The following MGAT4C variants were observed in gnomAD, a reference collection of about 807,000 sequenced individuals.
MGAT4C encodes MGAT4 family member C, also known as alpha-1,3-mannosyl-glycoprotein 4-beta-N-acetylglucosaminyltransferase C.
A neutral mutation model predicts 40.1 loss-of-function variants in MGAT4C; 19 were observed. The ratio of observed to expected loss-of-function variants is 0.47; its 90% CI spans 0.33 to 0.70. The LOEUF is 0.70. Among genes scored for constraint, MGAT4C ranks in the 30% least tolerant of loss-of-function variants. MGAT4C has a pLI of 0.02. For missense variants in MGAT4C, 491 were observed against 563.2 expected (o/e 0.87, Z 1.30); for synonymous variants, 181 against 187.1 (o/e 0.97, Z 0.27).
intron 1 of MGAT4C, among the ~76,000 whole-genome samples, chr12:86,730,487 T>A (rs1290404360): frequency 6.6e-6 from 1 of 152,094 alleles, no homozygotes; most frequent in Non-Finnish European, 1.5e-5. Context: ...GCTGTTGTTT[T>A]GTCAGCGTAC....
At chr12:86,495,879 A>G (rs1044023482) in intron 2 of MGAT4C, among the ~76,000 whole-genome samples, 1 of 151,990 alleles carries the variant, frequency 6.6e-6, no homozygotes, top group Admixed American at 6.6e-5. Flanking sequence ...CTCACCCATC[A>G]TGATTTTCTA....
Position 85,964,208 on chromosome 12 carries a change from T to A in MGAT4C, c.*15081A>T, listed in dbSNP as rs1436445761. The A allele has an allele frequency of 1.3e-5, 2 of 152,128 alleles. No individual in the cohort carries two copies. Among genetic ancestry groups the A allele is most frequent in the Non-Finnish European group, 2.9e-5 (2 of 67,952 alleles). The allele number at this position is 152,128 out of a possible 1,614,324, so 9.4% of individuals were successfully genotyped here. A position where few individuals can be genotyped will look rare whatever the true frequency, so the allele number is the denominator to read the frequency against. Reference sequence around the variant, plus strand: ...AAAGACACTATGAAGAGATACTAAATGATATTCTTTTCATCTGTGGTTACT... The same window carrying A: ...AAAGACACTATGAAGAGATACTAAAAGATATTCTTTTCATCTGTGGTTACT... On this transcript the variant is annotated 3_prime_UTR_variant, in exon 5 of 5. Transcript: ENST00000611864.
chr12:86,428,710 T>C (rs1186543863), intron 3 of MGAT4C, among the ~76,000 whole-genome samples: 3 of 152,204 alleles, frequency 2.0e-5, no homozygotes, highest in East Asian at 1.9e-4. Context: ...GTTGTATGTG[T>C]TTAGGAATTT....
intron 1 of MGAT4C, among the ~76,000 whole-genome samples, chr12:86,214,618 A>C (rs1478472344): frequency 6.6e-6 from 1 of 152,160 alleles, no homozygotes; most frequent in Non-Finnish European, 1.5e-5. Flanking sequence ...GTGTCCTCAC[A>C]TGGTAGAAAG....
intron 2 of MGAT4C, among the ~76,000 whole-genome samples, chr12:86,702,693 A>C (rs1423254616): frequency 3.3e-5 from 5 of 152,154 alleles, no homozygotes; most frequent in South Asian, 2.1e-4. Flanking sequence ...TTCCTTTCAA[A>C]ATATTACTGC....
intron 3 of MGAT4C, among the ~76,000 whole-genome samples, chr12:86,397,204 C>T (rs1956278085): frequency 6.6e-6 from 1 of 152,020 alleles, no homozygotes; most frequent in Non-Finnish European, 1.5e-5. Context: ...AGTTTTTTTC[C>T]TTATATTCCA....
intron 2 of MGAT4C, among the ~76,000 whole-genome samples, chr12:86,520,024 A>AT (rs1958765305): frequency 6.6e-6 from 1 of 151,940 alleles, no homozygotes; most frequent in Non-Finnish European, 1.5e-5. Flanking sequence ...TAGTTTTATC[A>AT]TTTTTGATCT....
intron 2 of MGAT4C, among the ~76,000 whole-genome samples, chr12:86,468,411 C>G (rs902914682): frequency 1.3e-5 from 2 of 152,066 alleles, no homozygotes; most frequent in African/African-American, 2.4e-5. Flanking sequence ...CACAGTGCCC[C>G]CTATGTCATT....
intron 1 of MGAT4C, among the ~76,000 whole-genome samples, chr12:86,215,868 C>G (rs1437217537): frequency 6.6e-6 from 1 of 151,994 alleles, no homozygotes; most frequent in Middle Eastern, 3.4e-3. Context: ...TGTTATCTTG[C>G]AGTAACTGGG....
intron 1 of MGAT4C, among the ~76,000 whole-genome samples, chr12:86,779,921 AAAT>A (rs1409854165): frequency 2.0e-5 from 3 of 151,548 alleles, no homozygotes; most frequent in African/African-American, 7.3e-5. Flanking sequence ...TCAAAAATAA[AAAT>A]AAAAAATAAT....
intron 3 of MGAT4C, among the ~76,000 whole-genome samples, chr12:86,389,233 T>C (rs187958174): frequency 6.6e-6 from 1 of 152,198 alleles, no homozygotes; most frequent in Admixed American, 6.5e-5. Context: ...GTGTGTTGTT[T>C]TCCTCTACGT....
chr12:86,662,301 T>A (rs1375564883), intron 2 of MGAT4C, among the ~76,000 whole-genome samples: 1 of 152,222 alleles, frequency 6.6e-6, no homozygotes, highest in Non-Finnish European at 1.5e-5. Flanking sequence ...AACTTGAATT[T>A]AAAAATCTAA....
At chr12:86,608,452 A>C (rs1205588719) in intron 2 of MGAT4C, among the ~76,000 whole-genome samples, 1 of 152,024 alleles carries the variant, frequency 6.6e-6, no homozygotes, top group African/African-American at 2.4e-5. Flanking sequence ...ATGGTGGTGC[A>C]CATCTGTAGT....
At chr12:86,826,692 T>A (rs1166064557) in intron 1 of MGAT4C, among the ~76,000 whole-genome samples, 1 of 151,076 alleles carries the variant, frequency 6.6e-6, no homozygotes, top group African/African-American at 2.4e-5. Context: ...AATGAGAGAG[T>A]TCATGTACTT....
At chr12:86,430,102 G>A (rs552521574) in intron 3 of MGAT4C, among the ~76,000 whole-genome samples, 2 of 151,900 alleles carry the variant, frequency 1.3e-5, no homozygotes, top group African/African-American at 4.8e-5. Flanking sequence ...ATTTCTGTCT[G>A]GTTCTTTCCT....
chr12:86,614,442 C>A (rs1028192078), intron 2 of MGAT4C, among the ~76,000 whole-genome samples: 1 of 151,988 alleles, frequency 6.6e-6, no homozygotes, highest in Non-Finnish European at 1.5e-5. Context: ...ATAATATATG[C>A]TTTAGGTAAT....
intron 1 of MGAT4C, among the ~76,000 whole-genome samples, chr12:86,812,113 G>A (rs562588348): frequency 6.6e-6 from 1 of 152,268 alleles, no homozygotes; most frequent in South Asian, 2.1e-4. Flanking sequence ...ATTTTCCTGT[G>A]GTCATTCTAT....
At chr12:86,584,507 A>G (rs1317210367) in intron 2 of MGAT4C, among the ~76,000 whole-genome samples, 1 of 151,106 alleles carries the variant, frequency 6.6e-6, no homozygotes, top group African/African-American at 2.4e-5. Context: ...AAATATTTAC[A>G]TTTGATCCCA....
At chr12:86,627,829 C>T (rs773593666) in intron 2 of MGAT4C, among the ~76,000 whole-genome samples, 9 of 150,884 alleles carry the variant, frequency 6.0e-5, no homozygotes, top group Non-Finnish European at 1.2e-4. Context: ...AACCAGAGTG[C>T]GCCTTCTCCT....
Sources: allele counts gnomAD v4.1 joint callset (sites outside exome capture counted in the v4.1 genomes callset), GRCh38; gene constraint gnomAD v4.1.1; transcripts MANE v1.5; gene names NCBI Gene and HGNC (gene_info 2026-07-23, HGNC 2026-07-21).